The following CDKAL1 variants were observed in gnomAD, a reference collection of about 807,000 sequenced individuals.
The protein encoded by CDKAL1 is threonylcarbamoyladenosine tRNA methylthiotransferase.
In CDKAL1, 32 loss-of-function variants were observed where a neutral mutation model predicts 68.2. The observed-to-expected ratio is 0.47, with a 90% CI of 0.35 to 0.63. The LOEUF (loss-of-function observed/expected upper bound fraction) is 0.63. Ranked by LOEUF, CDKAL1 falls within the 30% of genes least tolerant of loss-of-function variation. CDKAL1 has a pLI of 0.00. For missense variants in CDKAL1, 606 were observed against 696.7 expected (o/e 0.87, Z 1.47); for synonymous variants, 234 against 244.3 (o/e 0.96, Z 0.39).
intron 11 of CDKAL1, among the ~76,000 whole-genome samples, chr6:21,005,698 A>T (rs1298717803): frequency 6.6e-6 from 1 of 152,206 alleles, no homozygotes; most frequent in African/African-American, 2.4e-5. Flanking sequence ...ATTTGCCATT[A>T]TCATTTCTTA....
intron 10 of CDKAL1, among the ~76,000 whole-genome samples, chr6:20,997,185 T>C (rs1368309053): frequency 6.6e-6 from 1 of 152,184 alleles, no homozygotes; most frequent in East Asian, 1.9e-4. Context: ...AGATTCATTA[T>C]TGTATTGCCA....
chr6:20,728,241 C>G (rs1772742351), intron 5 of CDKAL1, among the ~76,000 whole-genome samples: 1 of 152,212 alleles, frequency 6.6e-6, no homozygotes, highest in African/African-American at 2.4e-5. Flanking sequence ...GCAAAAATTC[C>G]TCTTGGTATC....
chr6:20,565,793 C>T (rs918558613), intron 4 of CDKAL1, among the ~76,000 whole-genome samples: 30 of 152,016 alleles, frequency 2.0e-4, no homozygotes, highest in African/African-American at 6.3e-4. Context: ...CCCTAGAGGC[C>T]GTAGTCTTAG....
chr6:21,079,974 C>CTGTGTGTGTGTGTGTGTGTGTGTG (rs1206773584), intron 12 of CDKAL1, among the ~76,000 whole-genome samples: 2 of 20,436 alleles, frequency 9.8e-5, no homozygotes, highest in East Asian at 3.2e-3. Flanking sequence ...TCAACTTTGT[C>CTGTGTGTGTGTGTGTGTGTGTGTG]TCTGTGTGTG....
At chr6:20,809,584 T>C (rs964287294) in intron 8 of CDKAL1, among the ~76,000 whole-genome samples, 1 of 152,206 alleles carries the variant, frequency 6.6e-6, no homozygotes, top group Admixed American at 6.5e-5. Context: ...CATACTTTTT[T>C]CCTTTTTTTT....
At chr6:20,896,424 T>A (rs1761697438) in intron 9 of CDKAL1, among the ~76,000 whole-genome samples, 1 of 152,152 alleles carries the variant, frequency 6.6e-6, no homozygotes, top group Admixed American at 6.5e-5. Context: ...AGTCATTTTA[T>A]GCAACTTAAA....
chr6:20,928,148 C>T (rs1206187782), intron 9 of CDKAL1, among the ~76,000 whole-genome samples: 2 of 152,102 alleles, frequency 1.3e-5, no homozygotes, highest in Non-Finnish European at 2.9e-5. Flanking sequence ...TCAATAGTAA[C>T]CATCCTCAGC....
intron 13 of CDKAL1, among the ~76,000 whole-genome samples, chr6:21,145,643 A>G (rs995080643): frequency 6.6e-6 from 1 of 152,234 alleles, no homozygotes; most frequent in African/African-American, 2.4e-5. Flanking sequence ...AATCACACAG[A>G]TCACTTTAAC....
chr6:21,048,652 T>C (rs923678740), intron 11 of CDKAL1, among the ~76,000 whole-genome samples: 1 of 152,164 alleles, frequency 6.6e-6, no homozygotes, highest in African/African-American at 2.4e-5. Flanking sequence ...TTAAAAGTAA[T>C]AATTTGCCTA....
chr6:21,130,954 T>C (rs1371864028), intron 13 of CDKAL1, among the ~76,000 whole-genome samples: 1 of 152,214 alleles, frequency 6.6e-6, no homozygotes, highest in Non-Finnish European at 1.5e-5. Context: ...TAAGTCCTCT[T>C]ATCCCCCAGT....
rs191697625 is a variant in CDKAL1, at chr6:21,004,993, A to G, written c.1055+4621A>G. On this transcript the variant is annotated intron_variant, in intron 11 of 15. Coordinates refer to ENST00000274695, the MANE Select transcript of CDKAL1 (RefSeq NM_017774.3). ...AAAATTTGTCTTTGTATTTTAAAAT[A>G]TGTATCTTATATATTTTACTATCAT... is the stretch of plus-strand genomic sequence containing the variant. 2.0e-5 allele frequency among the ~76,000 whole-genome samples: 3 copies of G among 152,232 alleles called. No individual in the cohort carries two copies. In the East Asian group the frequency reaches 5.8e-4, roughly 29 times the overall value.
rs150674984 is a variant in CDKAL1, at chr6:21,215,070, C to T, written c.1548+13796C>T. 7.8e-3 allele frequency among the ~76,000 whole-genome samples: 1,182 copies of T among 152,310 alleles called. 69 individuals are homozygous for T. Among genetic ancestry groups the T allele is most frequent in the Admixed American group, 0.066 (1,016 of 15,300 alleles). On this transcript the variant is annotated intron_variant, in intron 15 of 15. Coordinates refer to ENST00000274695, the MANE Select transcript of CDKAL1 (RefSeq NM_017774.3). Reference sequence around the variant, plus strand: ...TCAGCTGATCTCAGCCTGGCTCACTCACACATCTGCAGTGCACTGTAGGGT... The same window carrying T: ...TCAGCTGATCTCAGCCTGGCTCACTTACACATCTGCAGTGCACTGTAGGGT...
At chr6:21,208,722 T>C in intron 15 of CDKAL1, among the ~76,000 whole-genome samples, 1 of 152,216 alleles carries the variant, frequency 6.6e-6, no homozygotes, top group East Asian at 1.9e-4. Context: ...TTTTCTTTCA[T>C]TTTGTATCTT....
rs1233178700 is a variant in CDKAL1, at chr6:20,566,496, C to T, written c.286+17791C>T. ...GTAATGGAGGAAATTATAAAATATA[C>T]ATAATTTTAATAGGACTTTATGTCT... On this transcript the variant is annotated intron_variant, in intron 4 of 15. Coordinates refer to ENST00000274695, the MANE Select transcript of CDKAL1 (RefSeq NM_017774.3). Among the ~76,000 whole-genome samples the T allele has an allele frequency of 2.6e-5, 4 of 152,024 alleles. No homozygotes were observed. In the East Asian group the frequency reaches 7.7e-4, roughly 29 times the overall value.
At chr6:21,059,272 A>G (rs1395454626) in intron 11 of CDKAL1, among the ~76,000 whole-genome samples, 1 of 152,218 alleles carries the variant, frequency 6.6e-6, no homozygotes, top group Non-Finnish European at 1.5e-5. Flanking sequence ...CCAGCAGGGG[A>G]AAACAGAAGA....
At chr6:21,048,659 C>A (rs926459201) in intron 11 of CDKAL1, among the ~76,000 whole-genome samples, 1 of 151,908 alleles carries the variant, frequency 6.6e-6, no homozygotes, top group Non-Finnish European at 1.5e-5. Flanking sequence ...TAATAATTTG[C>A]CTAATTTCTT....
At chr6:20,877,649 C>G (rs190108687) in intron 9 of CDKAL1, among the ~76,000 whole-genome samples, 18 of 152,314 alleles carry the variant, frequency 1.2e-4, no homozygotes, top group Admixed American at 1.2e-3. Context: ...GAAATTAGTT[C>G]TGTGTTCATT....
intron 5 of CDKAL1, among the ~76,000 whole-genome samples, chr6:20,733,286 G>C (rs1048396387): frequency 5.3e-5 from 8 of 152,142 alleles, no homozygotes; most frequent in African/African-American, 1.9e-4. Flanking sequence ...GGCTTCTAAA[G>C]CATATTTCTT....
chr6:21,101,662 A>G lies in CDKAL1; in HGVS notation c.1237-6739A>G, dbSNP rs148317680. On this transcript the variant is annotated intron_variant, in intron 12 of 15. Transcript: ENST00000274695. ...TAACTTCCTTCTTAATTTCTCTCCA[A>G]ATGTCTCACATCTTCCTCAAATTCC... Among the ~76,000 whole-genome samples, 893 of 152,130 alleles carry G rather than the reference A, an allele frequency of 5.9e-3. 8 individuals are homozygous for G. The highest frequency in any genetic ancestry group is 0.02 in the African/African-American group (847 of 41,466).
Sources: allele counts gnomAD v4.1 joint callset (sites outside exome capture counted in the v4.1 genomes callset), GRCh38; gene constraint gnomAD v4.1.1; transcripts MANE v1.5; gene names NCBI Gene and HGNC (gene_info 2026-07-23, HGNC 2026-07-21).